Variants in ZNF320 observed in about 807,000 individuals in gnomAD.
ZNF320 encodes the protein zinc finger protein 320.
ZNF320 carries 2 observed loss-of-function variants against 6.8 expected under a neutral mutation model. The ratio of observed to expected loss-of-function variants is 0.29; its 90% confidence interval spans 0.12 to 0.93. ZNF320 has a LOEUF of 0.93. Ranked by LOEUF, ZNF320 falls within the 40% of genes least tolerant of loss-of-function variation. ZNF320 has a pLI of 0.55. For missense variants in ZNF320, 472 were observed against 611.0 expected (o/e 0.77, Z 2.40); for synonymous variants, 208 against 203.2 (o/e 1.02, Z -0.20).
chr19:52,892,718 C>G (rs570499897), intron 2 of ZNF320, among the ~76,000 whole-genome samples: 37 of 152,026 alleles, frequency 2.4e-4, no homozygotes, highest in African/African-American at 5.1e-4. Flanking sequence ...TGTGCATCCT[C>G]TGCTCTCCCT....
chr19:52,897,257 C>A (rs1264188997), intron 1 of ZNF320, among the ~76,000 whole-genome samples: 1 of 152,254 alleles, frequency 6.6e-6, no homozygotes, highest in African/African-American at 2.4e-5. Context: ...TAGGACCAGG[C>A]AGAGGACGCG....
chr19:52,869,444 C>T (rs2063639236), intron 5 of ZNF320, among the ~76,000 whole-genome samples: 1 of 152,128 alleles, frequency 6.6e-6, no homozygotes, highest in African/African-American at 2.4e-5. Flanking sequence ...TGAAGAATTC[C>T]CTGGCTGAGT....
rs1158302323 is a variant in ZNF320 at position 52,865,634 on chromosome 19, T to C, written c.224-1475A>G. 3.9e-4 allele frequency among the ~76,000 whole-genome samples: 51 copies of C among 129,750 alleles called. 3 individuals are homozygous for C. Among genetic ancestry groups the C allele is most frequent in the African/African-American group, 1.5e-3 (48 of 31,204 alleles). 85.1% of individuals were successfully genotyped at this position (129,750 alleles called of 152,430 possible). On this transcript the variant is annotated intron_variant, in intron 5 of 5. Coordinates refer to the ZNF320 transcript ENST00000673631. ...TTATACATATATATTTATATATGAT[T>C]ATACATATATATTTATATATGATTA...
At chr19:52,875,299 C>T (rs370924192), downstream of ZNF320, among the ~76,000 whole-genome samples, 38 of 152,212 alleles carry the variant, frequency 2.5e-4, no homozygotes, top group South Asian at 2.9e-3. Context: ...TGTTTGATGT[C>T]CCAGCAGAGA....
In ZNF320 at chr19:52,881,263, A is replaced by T. The variant is rs1440271549; in HGVS notation, c.863T>A (p.Leu288His). Reference protein sequence around the residue: ...CGKTFARNSVLVIHKAVHTAE... With the variant: ...CGKTFARNSVHVIHKAVHTAE... The stretch of plus-strand genomic sequence containing the variant: ...AGTATGAACTGCCTTATGAATTACG[A>T]GGACTGAATTTCGAGCGAAGGTCTT... The change falls in exon 6 of 6, where the codon CTC becomes CAC. Residue 288 changes from leucine to histidine, a missense_variant. Transcript: ENST00000682928. 1.2e-6 allele frequency: 2 copies of T among 1,614,138 alleles called. No homozygotes were observed. The highest frequency in any genetic ancestry group is 2.2e-5 in the South Asian group (2 of 91,076).
chr19:52,885,898 C>G (rs2064062611), intron 5 of ZNF320, among the ~76,000 whole-genome samples: 1 of 152,058 alleles, frequency 6.6e-6, no homozygotes, highest in Admixed American at 6.6e-5. Flanking sequence ...GAGCAAAACT[C>G]TGTCTCATAA....
At chr19:52,893,617 A>C (rs1348957716) in intron 2 of ZNF320, 162 bp downstream of exon 2, 2 of 152,192 alleles carry the variant, frequency 1.3e-5, no homozygotes, top group African/African-American at 4.8e-5. Context: ...AGTGCACTCC[A>C]GCCTGTCGAC....
At chr19:52,883,243 T>C (rs537946935) in intron 5 of ZNF320, among the ~76,000 whole-genome samples, 118 of 152,076 alleles carry the variant, frequency 7.8e-4, no homozygotes, top group African/African-American at 2.8e-3. Context: ...GCTTTCACCA[T>C]GTTGGCCAGG....
chr19:52,868,330 A>G (rs992420907), intron 5 of ZNF320, among the ~76,000 whole-genome samples: 3 of 151,804 alleles, frequency 2.0e-5, no homozygotes, highest in Non-Finnish European at 4.4e-5. Flanking sequence ...GACATGGAAA[A>G]ACCCTGTCTC....
Position 52,877,789 on chromosome 19 carries a change from C to T in ZNF320, c.*2807G>A, listed in dbSNP as rs116797345. 11 of 152,142 alleles carry T rather than the reference C, an allele frequency of 7.2e-5. No homozygotes were observed. The highest frequency in any genetic ancestry group is 2.7e-4 in the African/African-American group (11 of 41,414). 9.4% of individuals were successfully genotyped at this position (152,142 alleles called of 1,614,324 possible). A position where few individuals can be genotyped will look rare whatever the true frequency, so the allele number is the denominator to read the frequency against. ...GTGACAGCCATAATGCTTTGACACA[C>T]TGATACTGTTTTATATAGATTTTTC... On this transcript the variant is annotated 3_prime_UTR_variant, in exon 6 of 6. Transcript: ENST00000682928.
chr19:52,864,234 TTAAG>T (rs1214809317), intron 5 of ZNF320: 1 of 166,986 alleles, frequency 6.0e-6, no homozygotes, highest in Non-Finnish European at 1.3e-5. Flanking sequence ...AAATGGGAAA[TTAAG>T]TATCGATTGG....
chr19:52,893,448 G>C (rs1418191756), intron 2 of ZNF320: 1 of 152,066 alleles, frequency 6.6e-6, no homozygotes, highest in African/African-American at 2.4e-5. Flanking sequence ...AAGAGGTTGA[G>C]ACAATTTTGG....
exon 6 of ZNF320, chr19:52,862,711 G>T: frequency 6.1e-6 from 3 of 489,414 alleles, no homozygotes; most frequent in South Asian, 1.9e-5. Flanking sequence ...GTTCTGCAAG[G>T]AGTGAATTGA....
At chr19:52,889,947 C>G (rs1234478024) in intron 4 of ZNF320, among the ~76,000 whole-genome samples, 1 of 152,152 alleles carries the variant, frequency 6.6e-6, no homozygotes, top group African/African-American at 2.4e-5. Flanking sequence ...GGCCCCTGAA[C>G]AATCCCTGCT....
At chr19:52,871,926 C>T (rs1362759110), downstream of ZNF320, among the ~76,000 whole-genome samples, 1 of 152,222 alleles carries the variant, frequency 6.6e-6, no homozygotes, top group Admixed American at 6.5e-5. Context: ...TTCATCATCA[C>T]ATCCAATCAA....
Position 52,880,703 on chromosome 19 carries a change from C to G in ZNF320, c.1423G>C (p.Gly475Arg), listed in dbSNP as rs1176914225. ...GQKSYKCHQC[G>R]KVFSLRSLLA... Reference sequence around the variant, plus strand: ...AGTGACCTCAGACTAAAGACCTTGCCACACTGATGACATTTGTAAGATTTC... The same window carrying G: ...AGTGACCTCAGACTAAAGACCTTGCGACACTGATGACATTTGTAAGATTTC... The change falls in exon 6 of 6, where the codon GGC becomes CGC. Residue 475 changes from glycine (G) to arginine (R), a missense_variant. This residue lies in a region of ZNF320 where 462 missense variants were observed against 559.7 expected (regional missense o/e 0.83). Coordinates refer to ENST00000682928, the MANE Select transcript of ZNF320 (RefSeq NM_001351774.2). The G allele has an allele frequency of 6.2e-7, 1 of 1,613,926 alleles. No individual in the cohort carries two copies. Among genetic ancestry groups the G allele is most frequent in the East Asian group, 2.2e-5 (1 of 44,872 alleles).
chr19:52,901,403 A>T (rs567278160), upstream of ZNF320, among the ~76,000 whole-genome samples: 40 of 152,292 alleles, frequency 2.6e-4, no homozygotes, highest in African/African-American at 9.4e-4. Context: ...TCGTGCGTGG[A>T]CCAGTCAGCT....
At chr19:52,861,753 C>T (rs1466125377) in exon 6 of ZNF320, 1 of 334,842 alleles carries the variant, frequency 3.0e-6, no homozygotes, top group Admixed American at 3.8e-5. Flanking sequence ...TACTCATTGC[C>T]TGTGCATCAA....
chr19:52,894,392 A>C (rs372646135), intron 1 of ZNF320, among the ~76,000 whole-genome samples: 9 of 124,632 alleles, frequency 7.2e-5, no homozygotes, highest in Admixed American at 2.3e-4. Context: ...AAAAAAAAAA[A>C]AAAAACCAAA....
Sources: gnomAD v4.1 joint callset for allele counts (sites outside exome capture counted in the v4.1 genomes callset) on GRCh38, gnomAD v4.1.1 for gene constraint, gnomAD v4.1.1 regional missense constraint, MANE v1.5 for transcripts, NCBI Gene and HGNC (gene_info 2026-07-23, HGNC 2026-07-21) for gene names.